The following EXOSC10 variants were observed in gnomAD, a reference collection of about 807,000 sequenced individuals.
EXOSC10 encodes exosome component 10.
In EXOSC10, 94 loss-of-function variants were observed where a neutral mutation model predicts 126.6. The observed-to-expected ratio is 0.74, with a 90% CI of 0.63 to 0.88. The LOEUF (loss-of-function observed/expected upper bound fraction) is 0.88. Among genes scored for constraint, EXOSC10 ranks in the 40% least tolerant of loss-of-function variants. The probability of loss-of-function intolerance (pLI) is 0.00; values close to 1 mark genes in which losing one functional copy is unlikely to be tolerated. For missense variants in EXOSC10, 1,041 were observed against 1,100.5 expected, an observed-to-expected ratio of 0.95 and a Z score of 0.77; for synonymous variants, 395 against 400.8, an observed-to-expected ratio of 0.99 and a Z score of 0.17.
intron 22 of EXOSC10, 39 bp from the exon 23 acceptor site, chr1:11,068,745 A>G (rs763339625): frequency 2.0e-6 from 3 of 1,531,582 alleles, no homozygotes; most frequent in Non-Finnish European, 2.7e-6. Context: ...CGGTCAGGTC[A>G]ATGAGTTACC....
At chr1:11,098,504 A>C (rs1641241490) in intron 1 of EXOSC10, among the ~76,000 whole-genome samples, 1 of 152,260 alleles carries the variant, frequency 6.6e-6, no homozygotes, top group Admixed American at 6.5e-5. Context: ...TCTGAGAAAC[A>C]GGAAAAATAA....
At chr1:11,088,271 T>A (rs1640612042) in intron 6 of EXOSC10, 73 bp from the exon 7 acceptor site, 3 of 1,102,354 alleles carry the variant, frequency 2.7e-6, no homozygotes, top group Non-Finnish European at 4.0e-6. Context: ...ATGCCTTTTA[T>A]CCAATCTGTA....
At chr1:11,071,025 C>T (rs765956165) in intron 20 of EXOSC10, 52 bp from the exon 21 acceptor site, 1 of 1,543,278 alleles carries the variant, frequency 6.5e-7, no homozygotes. Flanking sequence ...CAACCACCCT[C>T]CCCTCCATCT....
At position 11,087,563 on chromosome 1, in the gene EXOSC10, AG is replaced by A; in HGVS notation, c.973del (p.Leu325Ter). ...AGTAGAAATTTGCATCAGGCAGGTC[AG>A]TCCCAGGAAGCTCCTGTAAGAGTGG... Reference protein sequence around the residue: ...EHHSYRSFLGLTCLMQISTRT... With the variant: ...EHHSYRSFLGXTCLMQISTRT... On this transcript the variant is annotated frameshift_variant, in exon 9 of 25. Coordinates refer to ENST00000376936, the MANE Select transcript of EXOSC10 (RefSeq NM_001001998.3). LOFTEE classifies it high-confidence loss of function. 4 of 1,614,166 alleles carry A rather than the reference AG, an allele frequency of 2.5e-6. No individual in the cohort carries two copies. The highest frequency in any genetic ancestry group is 1.3e-5 in the African/African-American group (1 of 75,040).
chr1:11,072,074 A>G lies in EXOSC10; in HGVS notation c.2242+13T>C, dbSNP rs1332894188. 4 of 1,605,422 alleles carry G rather than the reference A, an allele frequency of 2.5e-6. No individual in the cohort carries two copies. The Admixed American group carries it at 6.8e-5, about 27-fold the overall frequency. ...TTTAACAGCCGACTGAGTTGCAAGG[A>G]AGTGAGTGTTACCTGTTTGCTCAGC... On this transcript the variant is annotated intron_variant, in intron 20 of 24. Transcript: ENST00000376936.
chr1:11,079,309 C>G (rs1439328780), intron 14 of EXOSC10, among the ~76,000 whole-genome samples: 1 of 146,714 alleles, frequency 6.8e-6, no homozygotes, highest in African/African-American at 2.5e-5. Context: ...AGCCTGGAGA[C>G]AGAGCGAGAC....
At chr1:11,083,561 T>TAAAAAAAAAAAAA (rs1640298054) in intron 9 of EXOSC10, among the ~76,000 whole-genome samples, 1 of 30,406 alleles carries the variant, frequency 3.3e-5, no homozygotes, top group African/African-American at 1.2e-4. Context: ...AAACTCCGTC[T>TAAAAAAAAAAAAA]CAAAAAAAAA....
At chr1:11,068,213 G>A in intron 23 of EXOSC10, 129 bp from the exon 24 acceptor site, 1 of 719,256 alleles carries the variant, frequency 1.4e-6, no homozygotes, top group Non-Finnish European at 2.3e-6. Context: ...CCTGAGAGAG[G>A]ATGTTTCTGT....
At chr1:11,094,667 C>T (rs983493629) in intron 3 of EXOSC10, among the ~76,000 whole-genome samples, 14 of 148,278 alleles carry the variant, frequency 9.4e-5, no homozygotes, top group African/African-American at 2.8e-4. Context: ...GTGGCATGAT[C>T]GCGGCTCACT....
chr1:11,079,632 G>C, intron 14 of EXOSC10, 79 bp downstream of exon 14: 1 of 1,205,090 alleles, frequency 8.3e-7, no homozygotes, highest in Non-Finnish European at 1.2e-6. Flanking sequence ...GACCTGAAAT[G>C]ATCCAGCCAC....
chr1:11,075,538 A>G (rs1009239074), intron 17 of EXOSC10, among the ~76,000 whole-genome samples: 2 of 152,208 alleles, frequency 1.3e-5, no homozygotes, highest in African/African-American at 2.4e-5. Context: ...TAGCTGCTAA[A>G]TCATCTTCAT....
chr1:11,070,938 C>T lies in EXOSC10; in HGVS notation c.2278G>A (p.Ala760Thr), dbSNP rs1330671787. 1.2e-5 allele frequency: 20 copies of T among 1,614,182 alleles called. No individual in the cohort carries two copies. The highest frequency in any genetic ancestry group is 1.7e-5 in the Non-Finnish European group (20 of 1,180,006). ...CGGACGGAGATGGCCTGTTCTGCTGCAGCTTTGCACGCCTCCTTTGCCTGT... is the reference window on the plus strand; with the variant it reads ...CGGACGGAGATGGCCTGTTCTGCTGTAGCTTTGCACGCCTCCTTTGCCTGT... ...REQAKEACKA[A>T]AEQAISVRQQ... The change falls in exon 21 of 25, where the codon GCA becomes ACA. Residue 760 changes from alanine to threonine, a missense_variant. Ala to Thr is a moderately conservative substitution (Grantham distance 58). Around this residue, in one of 3 missense-constraint regions of EXOSC10, gnomAD observed 388 missense variants for 415.2 expected, o/e 0.93. Transcript: ENST00000376936.
chr1:11,082,994 C>A, intron 9 of EXOSC10, 116 bp from the exon 10 acceptor site: 1 of 812,934 alleles, frequency 1.2e-6, no homozygotes, highest in East Asian at 2.6e-5. Context: ...TCCGCTGTCC[C>A]ATCTGTAGTG....
At chr1:11,097,608 C>A (rs1457469742) in intron 2 of EXOSC10, among the ~76,000 whole-genome samples, 2 of 151,576 alleles carry the variant, frequency 1.3e-5, no homozygotes, top group African/African-American at 4.9e-5. Context: ...CACCTGTAGT[C>A]CCAGCTACTC....
Position 11,090,995 on chromosome 1 carries a change from C to G in EXOSC10, c.643+19G>C, listed in dbSNP as rs1229365766. 6.2e-7 allele frequency: 1 copy of G among 1,609,056 alleles called. No individual in the cohort carries two copies. The highest frequency in any genetic ancestry group is 1.3e-5 in the African/African-American group (1 of 74,650). On this transcript the variant is annotated intron_variant, in intron 5 of 24. Transcript: ENST00000376936. Reference sequence around the variant, plus strand: ...AAATAAAGTGAGACTCAAACACAGGCAAAGTATGCACTATTTACCTTGAGG... The same window carrying G: ...AAATAAAGTGAGACTCAAACACAGGGAAAGTATGCACTATTTACCTTGAGG...
rs777576011 is a variant in EXOSC10 at position 11,068,723 on chromosome 1, G to A, written c.2489-17C>T. The A allele has an allele frequency of 6.2e-7, 1 of 1,609,570 alleles. No individual in the cohort carries two copies. Among genetic ancestry groups the A allele is most frequent in the Non-Finnish European group, 8.5e-7 (1 of 1,175,848 alleles). On this transcript the variant is annotated splice_polypyrimidine_tract_variant and intron_variant, in intron 22 of 24. Coordinates refer to ENST00000376936, the MANE Select transcript of EXOSC10 (RefSeq NM_001001998.3). ...TGCTGTTTCCTGAAAGGTAAGAGAT[G>A]AGAGAGACCTGCGGTCAGGTCAATG... is the stretch of plus-strand genomic sequence containing the variant.
chr1:11,080,994 T>A, intron 11 of EXOSC10, 82 bp from the exon 12 acceptor site: 1 of 1,577,422 alleles, frequency 6.3e-7, no homozygotes, highest in South Asian at 1.2e-5. Flanking sequence ...GCTCTTTTCA[T>A]GAATGTAAGG....
chr1:11,069,722 A>G lies in EXOSC10; in HGVS notation c.2325T>C (p.Asn775=), dbSNP rs1639344476. ...TTGCTCGCTCTCTCTTCTTTGCAGC[A>G]TTTTCTAGCTGTAGATCAGGAACAG... ...ISVRQQVVLE[N]AAKKRERATS... is the part of the protein sequence containing the mutation. The change falls in exon 22 of 25, where the codon AAT becomes AAC. Residue 775 remains asparagine (N), a synonymous_variant. Transcript: ENST00000376936. 26 of 1,613,208 alleles carry G rather than the reference A, an allele frequency of 1.6e-5. No homozygotes were observed. Among genetic ancestry groups the G allele is most frequent in the Non-Finnish European group, 2.2e-5 (26 of 1,179,814 alleles).
At position 11,076,954 on chromosome 1, in the gene EXOSC10, G is replaced by A. The variant is rs375027201; in HGVS notation, c.1880-6C>T. On this transcript the variant is annotated splice_region_variant and splice_polypyrimidine_tract_variant and intron_variant, in intron 16 of 24. Transcript: ENST00000376936. ...CTTCTGAACTGGCACAGATCCTAGA[G>A]GAGCAGAAGATAGTAAGGTCAAAGC... 2.7e-5 allele frequency: 44 copies of A among 1,608,630 alleles called. No homozygotes were observed. Among genetic ancestry groups the A allele is most frequent in the Admixed American group, 1.0e-4 (6 of 59,964 alleles).
Sources: gnomAD v4.1 joint callset for allele counts (sites outside exome capture counted in the v4.1 genomes callset) on GRCh38, gnomAD v4.1.1 for gene constraint, gnomAD v4.1.1 regional missense constraint, MANE v1.5 for transcripts, NCBI Gene and HGNC (gene_info 2026-07-23, HGNC 2026-07-21) for gene names.